Variants in CNTN3 observed in about 807,000 individuals in gnomAD.
The protein encoded by CNTN3 is contactin-3.
Under a neutral mutation model 119.1 loss-of-function variants are expected in CNTN3, and 60 were observed. The observed-to-expected ratio is 0.50, with a 90% CI of 0.41 to 0.62. The LOEUF (loss-of-function observed/expected upper bound fraction) is 0.62. Ranked by LOEUF, CNTN3 falls within the 20% of genes least tolerant of loss-of-function variation. CNTN3 has a pLI of 0.00. For synonymous variants in CNTN3, 450 were observed against 438.7 expected (o/e 1.03, Z -0.32); for missense variants, 1,101 against 1,242.4 (o/e 0.89, Z 1.71).
intron 4 of CNTN3, among the ~76,000 whole-genome samples, chr3:74,449,685 T>C (rs1418252263): frequency 6.6e-6 from 1 of 152,114 alleles, no homozygotes; most frequent in Non-Finnish European, 1.5e-5. Context: ...GCACCTCAGC[T>C]TTCATTAAAT....
At chr3:74,429,830 C>T (rs1341545025) in intron 4 of CNTN3, among the ~76,000 whole-genome samples, 1 of 152,002 alleles carries the variant, frequency 6.6e-6, no homozygotes, top group African/African-American at 2.4e-5. Context: ...GAAGAAGACA[C>T]AAACAGTTCA....
At chr3:74,431,908 T>C (rs1261729450) in intron 4 of CNTN3, among the ~76,000 whole-genome samples, 3 of 152,184 alleles carry the variant, frequency 2.0e-5, no homozygotes, top group Non-Finnish European at 4.4e-5. Context: ...ATGTGAGCCT[T>C]ACTACTTGTA....
At chr3:74,304,497 G>A (rs925143068) in intron 13 of CNTN3, among the ~76,000 whole-genome samples, 20 of 152,196 alleles carry the variant, frequency 1.3e-4, no homozygotes, top group African/African-American at 4.8e-4. Context: ...TTGGGGTAAG[G>A]TTGTTATTCT....
At chr3:74,561,598 C>T (rs1348528597) in intron 1 of CNTN3, among the ~76,000 whole-genome samples, 1 of 152,130 alleles carries the variant, frequency 6.6e-6, no homozygotes, top group East Asian at 1.9e-4. Context: ...AGAGGCCTCC[C>T]GCACAGAAGT....
intron 1 of CNTN3, among the ~76,000 whole-genome samples, chr3:74,566,438 A>G (rs1291220247): frequency 6.6e-6 from 1 of 152,170 alleles, no homozygotes; most frequent in Non-Finnish European, 1.5e-5. Context: ...GATGCCTAAA[A>G]TGAGTGTCAG....
At chr3:74,393,087 T>C (rs1411419215) in intron 5 of CNTN3, among the ~76,000 whole-genome samples, 1 of 152,214 alleles carries the variant, frequency 6.6e-6, no homozygotes, top group Admixed American at 6.5e-5. Context: ...CAACACTCCA[T>C]GAAGTGCATC....
intron 3 of CNTN3, among the ~76,000 whole-genome samples, chr3:74,499,313 T>A (rs1458079829): frequency 6.6e-6 from 1 of 151,946 alleles, no homozygotes; most frequent in African/African-American, 2.4e-5. Context: ...AGTATTTGTT[T>A]AACTATGATT....
chr3:74,522,609 A>G (rs531000348), intron 1 of CNTN3, among the ~76,000 whole-genome samples: 1 of 151,920 alleles, frequency 6.6e-6, no homozygotes, highest in Middle Eastern at 3.4e-3. Flanking sequence ...TTCTAACACC[A>G]TGGGTGACTG....
In CNTN3 at chr3:74,313,341, T is replaced by G. The variant is rs556599574; in HGVS notation, c.1669-10534A>C. Among the ~76,000 whole-genome samples, 8 of 151,194 alleles carry G rather than the reference T, an allele frequency of 5.3e-5. No homozygotes were observed. In the South Asian group the frequency reaches 1.7e-3, roughly 32 times the overall value. On this transcript the variant is annotated intron_variant, in intron 13 of 22. Coordinates refer to ENST00000263665, the MANE Select transcript of CNTN3 (RefSeq NM_020872.3). ...TCTAGGGAGCACAGAGAACACCAAG[T>G]AGAATATATGCCCCCAAGAAAACAG...
chr3:74,606,309 T>C (rs1704992056), intron 1 of CNTN3, among the ~76,000 whole-genome samples: 2 of 152,018 alleles, frequency 1.3e-5, no homozygotes, highest in Admixed American at 1.3e-4. Flanking sequence ...TCCCCATCAT[T>C]TGATTTTAAT....
At chr3:74,317,652 G>C (rs1288563871) in intron 13 of CNTN3, among the ~76,000 whole-genome samples, 1 of 152,176 alleles carries the variant, frequency 6.6e-6, no homozygotes, top group African/African-American at 2.4e-5. Context: ...CTTTAAGAAT[G>C]TTGAATATTG....
chr3:74,325,924 A>T (rs1335954245), intron 13 of CNTN3, among the ~76,000 whole-genome samples: 1 of 152,158 alleles, frequency 6.6e-6, no homozygotes, highest in Non-Finnish European at 1.5e-5. Context: ...ATGACGAGGC[A>T]TCATTACTTG....
At chr3:74,302,615 A>G in intron 14 of CNTN3, 75 bp downstream of exon 14, 1 of 858,474 alleles carries the variant, frequency 1.2e-6, no homozygotes. Flanking sequence ...ATACTATCTC[A>G]TCATGGTTTT....
chr3:74,336,441 G>A (rs908741916), intron 12 of CNTN3, 90 bp downstream of exon 12: 21 of 1,378,030 alleles, frequency 1.5e-5, no homozygotes, highest in Non-Finnish European at 2.0e-5. Context: ...ATAGTGTACT[G>A]AACATTGTGA....
intron 2 of CNTN3, among the ~76,000 whole-genome samples, chr3:74,503,244 G>A (rs1275062132): frequency 6.6e-6 from 1 of 152,090 alleles, no homozygotes; most frequent in Non-Finnish European, 1.5e-5. Flanking sequence ...GGTCAGAGGT[G>A]AAAATTAACC....
chr3:74,524,448 A>T (rs1703587090), intron 1 of CNTN3, among the ~76,000 whole-genome samples: 1 of 151,864 alleles, frequency 6.6e-6, no homozygotes, highest in Non-Finnish European at 1.5e-5. Context: ...AGACGTTTCT[A>T]TGAAAGCCTA....
chr3:74,422,262 A>G (rs1701627916), intron 5 of CNTN3, among the ~76,000 whole-genome samples: 1 of 152,160 alleles, frequency 6.6e-6, no homozygotes, highest in South Asian at 2.1e-4. Context: ...CTAAATCTGT[A>G]CAATCTGGAA....
At chr3:74,390,282 T>G (rs534915962) in intron 5 of CNTN3, among the ~76,000 whole-genome samples, 2 of 152,200 alleles carry the variant, frequency 1.3e-5, no homozygotes, top group South Asian at 4.1e-4. Context: ...TGTGGGCTTT[T>G]GTTCAAGGGT....
chr3:74,441,961 C>T (rs1181334420), intron 4 of CNTN3, among the ~76,000 whole-genome samples: 1 of 151,822 alleles, frequency 6.6e-6, no homozygotes, highest in African/African-American at 2.4e-5. Context: ...GTTCCTATTC[C>T]ATTCAATTTC....
Sources: allele counts gnomAD v4.1 joint callset (sites outside exome capture counted in the v4.1 genomes callset), GRCh38; gene constraint gnomAD v4.1.1; transcripts MANE v1.5; gene names NCBI Gene and HGNC (gene_info 2026-07-23, HGNC 2026-07-21).